Variants in NLGN1 observed in about 807,000 individuals in gnomAD.
NLGN1 encodes neuroligin 1, also known as neuroligin-1.
A neutral mutation model predicts 65.5 loss-of-function variants in NLGN1; 12 were observed. The ratio of observed to expected loss-of-function variants is 0.18; its 90% CI spans 0.12 to 0.30. NLGN1 has a LOEUF of 0.30. Among genes scored for constraint, NLGN1 ranks in the 10% least tolerant of loss-of-function variants. NLGN1 has a pLI of 1.00. For synonymous variants in NLGN1, 350 were observed against 359.5 expected (o/e 0.97, Z 0.30); for missense variants, 750 against 1,007.1 (o/e 0.74, Z 3.46).
At chr3:173,506,438 C>T (rs1427992174) in intron 2 of NLGN1, among the ~76,000 whole-genome samples, 1 of 151,752 alleles carries the variant, frequency 6.6e-6, no homozygotes, top group Non-Finnish European at 1.5e-5. Context: ...GTAACATTTC[C>T]CTTAATTATG....
At chr3:174,236,637 G>C (rs1741770254) in intron 4 of NLGN1, among the ~76,000 whole-genome samples, 1 of 151,902 alleles carries the variant, frequency 6.6e-6, no homozygotes, top group African/African-American at 2.4e-5. Flanking sequence ...GTGAAGTTTT[G>C]TCCATTCATT....
chr3:173,776,310 A>G (rs1780290952), intron 3 of NLGN1, among the ~76,000 whole-genome samples: 1 of 152,096 alleles, frequency 6.6e-6, no homozygotes, highest in Non-Finnish European at 1.5e-5. Flanking sequence ...ATGAAAATAA[A>G]TGGAATCTAA....
intron 4 of NLGN1, among the ~76,000 whole-genome samples, chr3:173,886,617 A>G (rs1734383140): frequency 6.6e-6 from 1 of 152,132 alleles, no homozygotes; most frequent in South Asian, 2.1e-4. Flanking sequence ...AAATAGTTTA[A>G]AAGGAAAATT....
intron 3 of NLGN1, among the ~76,000 whole-genome samples, chr3:173,700,908 A>G (rs112354668): frequency 3.0e-4 from 46 of 151,992 alleles, no homozygotes; most frequent in Admixed American, 1.0e-3. Flanking sequence ...GGCGGATCAC[A>G]AGGTCAGGAG....
chr3:173,884,265 G>A (rs747769927), intron 4 of NLGN1, among the ~76,000 whole-genome samples: 2 of 152,126 alleles, frequency 1.3e-5, no homozygotes, highest in African/African-American at 4.8e-5. Context: ...AGCCAGAAAT[G>A]TTAGAGATAA....
intron 4 of NLGN1, among the ~76,000 whole-genome samples, chr3:173,878,029 C>A (rs1411721444): frequency 1.3e-5 from 2 of 151,938 alleles, no homozygotes; most frequent in African/African-American, 4.8e-5. Context: ...ACTTTAAACA[C>A]CTTGAGAATT....
chr3:174,125,768 C>T (rs993655511), intron 4 of NLGN1, among the ~76,000 whole-genome samples: 1 of 151,902 alleles, frequency 6.6e-6, no homozygotes. Context: ...CAAAAGAAAC[C>T]AAGAGTATTC....
At chr3:173,439,422 C>T (rs1349856535) in intron 2 of NLGN1, among the ~76,000 whole-genome samples, 2 of 151,582 alleles carry the variant, frequency 1.3e-5, no homozygotes, top group African/African-American at 2.4e-5. Context: ...GCTCCTATTC[C>T]CATAAAATGT....
chr3:173,881,089 CTTTTTTTTT>C (rs928288845), intron 4 of NLGN1, among the ~76,000 whole-genome samples: 1 of 108,212 alleles, frequency 9.2e-6, no homozygotes, highest in African/African-American at 3.6e-5. Flanking sequence ...AGGCTCCCTC[CTTTTTTTTT>C]TTTTTTTTTT....
chr3:173,598,016 A>G (rs1490044510), intron 2 of NLGN1, among the ~76,000 whole-genome samples: 1 of 152,172 alleles, frequency 6.6e-6, no homozygotes, highest in Non-Finnish European at 1.5e-5. Flanking sequence ...TTGTCCTAAA[A>G]GTAGAAATTT....
chr3:173,661,910 C>T (rs1271841779), intron 3 of NLGN1, among the ~76,000 whole-genome samples: 1 of 151,948 alleles, frequency 6.6e-6, no homozygotes, highest in Non-Finnish European at 1.5e-5. Context: ...CATGCAATAG[C>T]ATTTGGAACC....
intron 4 of NLGN1, among the ~76,000 whole-genome samples, chr3:173,857,172 G>A (rs1279353589): frequency 1.3e-5 from 2 of 151,964 alleles, no homozygotes; most frequent in African/African-American, 4.8e-5. Flanking sequence ...TGGGGGTTGG[G>A]GTAGCATGTC....
At chr3:174,073,548 A>T (rs1225818716) in intron 4 of NLGN1, among the ~76,000 whole-genome samples, 1 of 152,140 alleles carries the variant, frequency 6.6e-6, no homozygotes, top group Admixed American at 6.6e-5. Context: ...TGGTTCTCTG[A>T]GTTCTTTTCC....
intron 1 of NLGN1, among the ~76,000 whole-genome samples, chr3:173,404,020 G>A (rs1430299327): frequency 6.6e-6 from 1 of 152,098 alleles, no homozygotes; most frequent in Non-Finnish European, 1.5e-5. Context: ...TAGCAGTTGT[G>A]CTTGAGTTAT....
chr3:173,655,776 A>G (rs921675361), intron 3 of NLGN1, among the ~76,000 whole-genome samples: 6 of 151,930 alleles, frequency 3.9e-5, no homozygotes, highest in African/African-American at 1.5e-4. Context: ...AAAATCTGAC[A>G]CTACATGTAT....
At chr3:174,097,299 A>G (rs1189968810) in intron 4 of NLGN1, among the ~76,000 whole-genome samples, 1 of 152,206 alleles carries the variant, frequency 6.6e-6, no homozygotes, top group East Asian at 1.9e-4. Flanking sequence ...GAAATCATTC[A>G]TATTTATTCT....
chr3:173,769,234 C>G (rs1779220915), intron 3 of NLGN1, among the ~76,000 whole-genome samples: 1 of 152,122 alleles, frequency 6.6e-6, no homozygotes, highest in South Asian at 2.1e-4. Context: ...CCATGAAACT[C>G]CTCTGCCAAA....
intron 3 of NLGN1, among the ~76,000 whole-genome samples, chr3:173,791,623 C>T (rs1390972430): frequency 6.6e-6 from 1 of 150,916 alleles, no homozygotes; most frequent in Non-Finnish European, 1.5e-5. Context: ...GTAGTGCTAA[C>T]GGCTTTCCAG....
chr3:173,989,249 C>T (rs183356163), intron 4 of NLGN1, among the ~76,000 whole-genome samples: 323 of 152,234 alleles, frequency 2.1e-3, no homozygotes, highest in Non-Finnish European at 1.2e-3. Flanking sequence ...CATGGGAAAT[C>T]GCATGCTTGT....
Sources: gnomAD v4.1 joint callset for allele counts (sites outside exome capture counted in the v4.1 genomes callset) on GRCh38, gnomAD v4.1.1 for gene constraint, MANE v1.5 for transcripts, NCBI Gene and HGNC (gene_info 2026-07-23, HGNC 2026-07-21) for gene names.